ROR1: variants seen among roughly 807,000 people sequenced by gnomAD.
The protein encoded by ROR1 is inactive tyrosine-protein kinase transmembrane receptor ROR1.
A neutral mutation model predicts 78.8 loss-of-function variants in ROR1; 19 were observed. The observed-to-expected ratio is 0.24, with a 90% CI of 0.17 to 0.35. The LOEUF (loss-of-function observed/expected upper bound fraction) is 0.35. ROR1 is among the 10% of genes least tolerant of loss of function. The probability of loss-of-function intolerance (pLI) is 1.00; values close to 1 mark genes in which losing one functional copy is unlikely to be tolerated. For missense variants in ROR1, 917 were observed against 1,177.8 expected, an observed-to-expected ratio of 0.78 and a Z score of 3.24; for synonymous variants, 386 against 433.6, an observed-to-expected ratio of 0.89 and a Z score of 1.36.
intron 1 of ROR1, among the ~76,000 whole-genome samples, chr1:63,995,370 C>A (rs1385388095): frequency 6.6e-6 from 1 of 152,140 alleles, no homozygotes. Context: ...AAAGAGACCT[C>A]CTGTACTTTT....
chr1:63,819,397 G>A (rs1375518792), intron 1 of ROR1, among the ~76,000 whole-genome samples: 1 of 152,124 alleles, frequency 6.6e-6, no homozygotes, highest in African/African-American at 2.4e-5. Flanking sequence ...AAAAGAATGG[G>A]TGCTTTTTGA....
chr1:63,784,834 A>T (rs930443649), intron 1 of ROR1, among the ~76,000 whole-genome samples: 1 of 152,254 alleles, frequency 6.6e-6, no homozygotes, highest in Non-Finnish European at 1.5e-5. Flanking sequence ...CTCTCAATTG[A>T]ATGGAGAGCA....
intron 1 of ROR1, among the ~76,000 whole-genome samples, chr1:63,877,233 A>G (rs903530519): frequency 2.0e-5 from 3 of 152,152 alleles, no homozygotes; most frequent in Non-Finnish European, 4.4e-5. Context: ...TCCTCTGGGT[A>G]CAGAGTTAAA....
At chr1:64,097,908 G>A (rs1225333015) in intron 4 of ROR1, among the ~76,000 whole-genome samples, 1 of 152,130 alleles carries the variant, frequency 6.6e-6, no homozygotes, top group African/African-American at 2.4e-5. Flanking sequence ...TGAAGGATTG[G>A]CAGTTGCTGA....
At chr1:63,883,046 A>G (rs1645333512) in intron 1 of ROR1, among the ~76,000 whole-genome samples, 1 of 152,192 alleles carries the variant, frequency 6.6e-6, no homozygotes, top group South Asian at 2.1e-4. Flanking sequence ...CAGGTTCTCA[A>G]TGAAGCCTCC....
At chr1:63,929,558 G>C (rs1324979967) in intron 1 of ROR1, among the ~76,000 whole-genome samples, 2 of 152,172 alleles carry the variant, frequency 1.3e-5, no homozygotes, top group Non-Finnish European at 2.9e-5. Context: ...AAGCAGCCTA[G>C]AGGGATGTTA....
At chr1:63,911,570 G>A (rs56035106) in intron 1 of ROR1, among the ~76,000 whole-genome samples, 5,040 of 151,958 alleles carry the variant, frequency 0.033, 289 homozygotes, top group African/African-American at 0.12. Flanking sequence ...AATAGATCCC[G>A]AAACCATCCC....
chr1:63,786,083 C>A (rs1421578126), intron 1 of ROR1, among the ~76,000 whole-genome samples: 2 of 151,856 alleles, frequency 1.3e-5, no homozygotes, highest in African/African-American at 4.8e-5. Context: ...GTCTGTGCTA[C>A]CCAGCTCATC....
intron 1 of ROR1, among the ~76,000 whole-genome samples, chr1:63,965,443 A>G (rs1457401606): frequency 1.3e-5 from 2 of 152,154 alleles, no homozygotes; most frequent in Non-Finnish European, 2.9e-5. Flanking sequence ...TGCATTTAAC[A>G]TCTCCCCAGA....
intron 1 of ROR1, among the ~76,000 whole-genome samples, chr1:63,807,007 C>T (rs1270988921): frequency 2.0e-5 from 3 of 152,116 alleles, no homozygotes; most frequent in Admixed American, 1.3e-4. Flanking sequence ...TCAAGGTGTT[C>T]CTCAGTTTTG....
chr1:63,982,008 T>C (rs1249648126), intron 1 of ROR1, among the ~76,000 whole-genome samples: 1 of 151,820 alleles, frequency 6.6e-6, no homozygotes, highest in African/African-American at 2.4e-5. Context: ...ATATAAAAAA[T>C]AAAAATAAAA....
At chr1:63,905,644 G>A (rs75359229) in intron 1 of ROR1, among the ~76,000 whole-genome samples, 1,667 of 152,304 alleles carry the variant, frequency 0.011, 13 homozygotes, top group Non-Finnish European at 0.018. Context: ...TCTATAATCT[G>A]TTGTTTGGGT....
intron 1 of ROR1, among the ~76,000 whole-genome samples, chr1:63,988,157 C>A (rs749618258): frequency 1.3e-5 from 2 of 152,144 alleles, no homozygotes; most frequent in East Asian, 3.9e-4. Flanking sequence ...TGGAAATGTG[C>A]TTTACAAACA....
At chr1:64,071,402 T>G (rs1647002629) in intron 4 of ROR1, among the ~76,000 whole-genome samples, 2 of 151,826 alleles carry the variant, frequency 1.3e-5, no homozygotes, top group Non-Finnish European at 2.9e-5. Context: ...GGTAGGTGAG[T>G]TGTAAAGAAG....
chr1:63,924,669 C>T (rs557859080), intron 1 of ROR1, among the ~76,000 whole-genome samples: 1 of 152,318 alleles, frequency 6.6e-6, no homozygotes, highest in South Asian at 2.1e-4. Context: ...AGACCTGGCT[C>T]TGCCTTTACC....
At chr1:63,937,378 C>A (rs1645802215) in intron 1 of ROR1, among the ~76,000 whole-genome samples, 1 of 152,180 alleles carries the variant, frequency 6.6e-6, no homozygotes, top group African/African-American at 2.4e-5. Flanking sequence ...CTAGGAATGC[C>A]CTTTCAGGTA....
chr1:63,910,019 A>G (rs1026664825), intron 1 of ROR1, among the ~76,000 whole-genome samples: 4 of 152,222 alleles, frequency 2.6e-5, no homozygotes, highest in African/African-American at 9.6e-5. Flanking sequence ...TCTTGTGCTG[A>G]TTAACATTCT....
Position 64,179,004 on chromosome 1 carries a change from G to C in ROR1, c.*149G>C. On this transcript the variant is annotated 3_prime_UTR_variant, in exon 9 of 9. Coordinates refer to ENST00000371079, the MANE Select transcript of ROR1 (RefSeq NM_005012.4). Reference sequence around the variant, plus strand: ...GTGAAGTTTCACTGTGTCTTACCAAGCAGGACAGACACTCGGCCAGAAAAA... The same window carrying C: ...GTGAAGTTTCACTGTGTCTTACCAACCAGGACAGACACTCGGCCAGAAAAA... 6 of 336,390 alleles carry C rather than the reference G, an allele frequency of 1.8e-5. No homozygotes were observed. The highest frequency in any genetic ancestry group is 2.1e-5 in the Non-Finnish European group (4 of 192,310). The allele number at this position is 336,390 out of a possible 1,614,324, so 20.8% of individuals were successfully genotyped here.
intron 1 of ROR1, among the ~76,000 whole-genome samples, chr1:63,929,864 C>T (rs1333930699): frequency 6.6e-6 from 1 of 152,148 alleles, no homozygotes; most frequent in Non-Finnish European, 1.5e-5. Flanking sequence ...TTGGGTAACT[C>T]ATGCTAGAAT....
Sources: allele counts gnomAD v4.1 joint callset (sites outside exome capture counted in the v4.1 genomes callset), GRCh38; gene constraint gnomAD v4.1.1; transcripts MANE v1.5; gene names NCBI Gene and HGNC (gene_info 2026-07-23, HGNC 2026-07-21).